FBH1: variants seen among roughly 807,000 people sequenced by gnomAD.
FBH1 encodes the protein F-box DNA helicase 1, also known as DNA 3'-5' helicase 1.
Under a neutral mutation model 115.5 loss-of-function variants are expected in FBH1, and 43 were observed. The ratio of observed to expected loss-of-function variants is 0.37; its 90% CI spans 0.29 to 0.48. The LOEUF (loss-of-function observed/expected upper bound fraction) is 0.48, where lower values mean the gene tolerates loss of function less well. Ranked by LOEUF, FBH1 falls within the 20% of genes least tolerant of loss-of-function variation. The probability of loss-of-function intolerance (pLI) is 0.99; values close to 1 mark genes in which losing one functional copy is unlikely to be tolerated. For synonymous variants in FBH1, 524 were observed against 507.8 expected (o/e 1.03, Z -0.43); for missense variants, 1,001 against 1,337.3 (o/e 0.75, Z 3.92).
At chr10:5,896,008 A>G (rs1450605082) in intron 1 of FBH1, among the ~76,000 whole-genome samples, 3 of 152,188 alleles carry the variant, frequency 2.0e-5, no homozygotes, top group African/African-American at 7.2e-5. Flanking sequence ...TGTTTTCAAT[A>G]AAGAAGATTA....
rs1450626764 is a variant in FBH1 at position 5,914,953 on chromosome 10, T to TG, written c.1397-449dup. On this transcript the variant is annotated intron_variant, in intron 8 of 20. Transcript: ENST00000362091. The surrounding 1 kb of genome is among the most constrained non-coding windows in gnomAD (Gnocchi z 5.2). ...ATTCTTGTTTTATAGAGGAAGAAAC[T>TG]GAAGCACAGAGAGCCTTGCCCGGGG... Among the ~76,000 whole-genome samples the TG allele has an allele frequency of 1.3e-5, 2 of 152,134 alleles. No homozygotes were observed. Among genetic ancestry groups the TG allele is most frequent in the Non-Finnish European group, 2.9e-5 (2 of 68,024 alleles).
In FBH1 at chr10:5,911,472, TC is replaced by T. The variant is rs1488607672; in HGVS notation, c.1211+346del. On this transcript the variant is annotated intron_variant, in intron 6 of 20. Transcript: ENST00000362091. This position sits in a 1 kb window ranked among gnomAD's most constrained non-coding sequence, Gnocchi z 5.4. ...CCCTAGGAAAATGTTAGGCTCTACT[TC>T]CTCCATATCCCACTTGTGGGATGGA... 6.6e-6 allele frequency among the ~76,000 whole-genome samples: 1 copy of T among 152,216 alleles called. No individual in the cohort carries two copies. Among genetic ancestry groups the T allele is most frequent in the African/African-American group, 2.4e-5 (1 of 41,452 alleles).
Position 5,900,454 on chromosome 10 carries a change from C to A in FBH1, c.2-2566C>A, listed in dbSNP as rs150688957. ...CCCAGCCCTCCCGCCAGGCCCTCGC[C>A]GGCTCACCACGCTGCGCTGTGCTGC... is the stretch of plus-strand genomic sequence containing the variant. On this transcript the variant is annotated intron_variant, in intron 1 of 20. Coordinates refer to ENST00000362091, the MANE Select transcript of FBH1 (RefSeq NM_178150.3). The surrounding 1 kb of genome is among the most constrained non-coding windows in gnomAD (Gnocchi z 4.2). Among the ~76,000 whole-genome samples the A allele has an allele frequency of 1.8e-3, 267 of 152,344 alleles. 1 individual carries two copies. The highest frequency in any genetic ancestry group is 5.7e-3 in the African/African-American group (235 of 41,586).
rs1264289169 is a variant in FBH1, at chr10:5,924,802, G to A, written c.2596+294G>A. ...GCTGGTCTCGAACTCCCAACCTCAG[G>A]TAATCTGCCCACCTCGACCTCCCAA... On this transcript the variant is annotated intron_variant, in intron 17 of 20. Transcript: ENST00000362091. This position sits in a 1 kb window ranked among gnomAD's most constrained non-coding sequence, Gnocchi z 6.2. 1.4e-5 allele frequency: 7 copies of A among 498,548 alleles called. No homozygotes were observed. The highest frequency in any genetic ancestry group is 9.3e-5 in the South Asian group (6 of 64,264). 30.9% of individuals were successfully genotyped at this position (498,548 alleles called of 1,614,324 possible). A position where few individuals can be genotyped will look rare whatever the true frequency, so the allele number is the denominator to read the frequency against.
At position 5,908,652 on chromosome 10, in the gene FBH1, C is replaced by T. The variant is rs11255885; in HGVS notation, c.754-273C>T. On this transcript the variant is annotated intron_variant, in intron 3 of 20. Transcript: ENST00000362091. Reference sequence around the variant, plus strand: ...AGTCTCACTCTGTCACCCAGGCTAGCGTGCACTGCAGTGGCTTGATCTCGG... The same window carrying T: ...AGTCTCACTCTGTCACCCAGGCTAGTGTGCACTGCAGTGGCTTGATCTCGG... Among the ~76,000 whole-genome samples, 695 of 151,544 alleles carry T rather than the reference C, an allele frequency of 4.6e-3. 11 individuals carry two copies. Among genetic ancestry groups the T allele is most frequent in the African/African-American group, 0.016 (646 of 41,252 alleles).
chr10:5,894,023 A>G, intron 1 of FBH1: 1 of 985,442 alleles, frequency 1.0e-6, no homozygotes, highest in Non-Finnish European at 1.2e-6. Context: ...TGGCTGTCAT[A>G]CACGAGTGCT....
At position 5,926,957 on chromosome 10, in the gene FBH1, A is replaced by G. The variant is rs59757812; in HGVS notation, c.2723-478A>G. ...TTCCTTGTTGTCCTGTGACAGTGTC[A>G]GGCTTTTCCAGATGGGACTCTGGCA... On this transcript the variant is annotated intron_variant, in intron 18 of 20. Coordinates refer to ENST00000362091, the MANE Select transcript of FBH1 (RefSeq NM_178150.3). 7.2e-4 allele frequency among the ~76,000 whole-genome samples: 109 copies of G among 152,340 alleles called. 2 individuals are homozygous for G. In the East Asian group the frequency reaches 0.019, roughly 27 times the overall value.
rs1589069139 is a variant in FBH1 at position 5,907,953 on chromosome 10, C to G, written c.754-972C>G. On this transcript the variant is annotated intron_variant, in intron 3 of 20. Transcript: ENST00000362091. ...AGGTGATCTATCCTGGAGAATGTTT[C>G]ATGTGCCCTTGAGAGGAATGTATAT... 2.0e-5 allele frequency among the ~76,000 whole-genome samples: 3 copies of G among 152,310 alleles called. No homozygotes were observed. In the South Asian group the frequency reaches 6.2e-4, roughly 32 times the overall value.
Position 5,933,145 on chromosome 10 carries a change from T to C in FBH1, c.2830-3311T>C, listed in dbSNP as rs1194817782. Among the ~76,000 whole-genome samples the C allele has an allele frequency of 6.6e-6, 1 of 152,094 alleles. No homozygotes were observed. Among genetic ancestry groups the C allele is most frequent in the African/African-American group, 2.4e-5 (1 of 41,428 alleles). On this transcript the variant is annotated intron_variant, in intron 19 of 20. Transcript: ENST00000362091. The surrounding 1 kb of genome is among the most constrained non-coding windows in gnomAD (Gnocchi z 4.9). ...GCTCACACCTGTAATCCCAGTACTT[T>C]GGGAGGCCTAGGAGGGCGGATCACT...
Position 5,897,196 on chromosome 10 carries a change from T to A in FBH1, c.2-5824T>A, listed in dbSNP as rs1486426099. On this transcript the variant is annotated intron_variant, in intron 1 of 20. Coordinates refer to ENST00000362091, the MANE Select transcript of FBH1 (RefSeq NM_178150.3). The surrounding 1 kb of genome is among the most constrained non-coding windows in gnomAD (Gnocchi z 4.7). ...TCACCCTCAATGTGGGTGGCTTGAG[T>A]ACTTACATATATATTGTCTCATTCT... Among the ~76,000 whole-genome samples, 4 of 152,180 alleles carry A rather than the reference T, an allele frequency of 2.6e-5. No individual in the cohort carries two copies. Among genetic ancestry groups the A allele is most frequent in the African/African-American group, 9.7e-5 (4 of 41,444 alleles).
At position 5,937,209 on chromosome 10, in the gene FBH1, C is replaced by G. The variant is rs764714926; in HGVS notation, c.3061C>G (p.Arg1021Gly). The change falls in exon 21 of 21, where the codon CGC becomes GGC. Residue 1021 changes from arginine to glycine, a missense_variant. By Grantham distance (125) the Arg-to-Gly change is moderately radical. This residue lies in a region of FBH1 where 521 missense variants were observed against 811.0 expected (regional missense o/e 0.64). Transcript: ENST00000362091. ...CCTGACAGCCTCCCCGGAGCAGGTGCGCGCCATGGAGCGCACTGTGGAGAA... is the reference window on the plus strand; with the variant it reads ...CCTGACAGCCTCCCCGGAGCAGGTGGGCGCCATGGAGCGCACTGTGGAGAA... ...AFLTASPEQV[R>G]AMERTVENIV... 4.3e-6 allele frequency: 7 copies of G among 1,613,966 alleles called. No homozygotes were observed. The highest frequency in any genetic ancestry group is 5.9e-6 in the Non-Finnish European group (7 of 1,179,936).
At position 5,911,710 on chromosome 10, in the gene FBH1, G is replaced by C. The variant is rs1006338620; in HGVS notation, c.1211+582G>C. Reference sequence around the variant, plus strand: ...GGAGTTAGAGGAGATTCCTGATCTAGTGAGGGAAGACAGGTCCTATGTAAG... The same window carrying C: ...GGAGTTAGAGGAGATTCCTGATCTACTGAGGGAAGACAGGTCCTATGTAAG... On this transcript the variant is annotated intron_variant, in intron 6 of 20. Coordinates refer to ENST00000362091, the MANE Select transcript of FBH1 (RefSeq NM_178150.3). The surrounding 1 kb of genome is among the most constrained non-coding windows in gnomAD (Gnocchi z 5.4). 6.6e-6 allele frequency among the ~76,000 whole-genome samples: 1 copy of C among 152,198 alleles called. No individual in the cohort carries two copies. Among genetic ancestry groups the C allele is most frequent in the Non-Finnish European group, 1.5e-5 (1 of 68,030 alleles).
At position 5,906,345 on chromosome 10, in the gene FBH1, T is replaced by C. The variant is rs780697016; in HGVS notation, c.466T>C (p.Cys156Arg). ...TCCACGGCACCATTTGTCTGTGCCA[T>C]GCACAAGGCCTAGGGAGGCCAGGCA... is the stretch of plus-strand genomic sequence containing the variant. ...KAPRHHLSVPCTRPREARQEA... is the reference protein window; with the variant it reads ...KAPRHHLSVPRTRPREARQEA... Residue 156 changes from cysteine to arginine, a missense_variant, in exon 3 of 21, where the codon TGC becomes CGC. Cys to Arg is a radical substitution (Grantham distance 180, BLOSUM62 -3). Transcript: ENST00000362091. The surrounding 1 kb of genome is among the most constrained non-coding windows in gnomAD (Gnocchi z 7.3). 2 of 1,614,226 alleles carry C rather than the reference T, an allele frequency of 1.2e-6. No individual in the cohort carries two copies. The highest frequency in any genetic ancestry group is 1.1e-5 in the South Asian group (1 of 91,082).
rs1831522407 is a variant in FBH1, at chr10:5,910,614, C to T, written c.1021-324C>T. 6.6e-6 allele frequency among the ~76,000 whole-genome samples: 1 copy of T among 152,060 alleles called. No homozygotes were observed. The highest frequency in any genetic ancestry group is 1.5e-5 in the Non-Finnish European group (1 of 68,006). On this transcript the variant is annotated intron_variant, in intron 5 of 20. Transcript: ENST00000362091. This position sits in a 1 kb window ranked among gnomAD's most constrained non-coding sequence, Gnocchi z 4.8. ...CATATGGACCTGAGAGCCCCCATGG[C>T]CTGGAGAGTAGGGTGGGGAGATGAC...
chr10:5,894,557 A>G (rs1301897833), intron 1 of FBH1: 1 of 808,220 alleles, frequency 1.2e-6, no homozygotes, highest in Admixed American at 1.7e-5. Flanking sequence ...CAATTGTAGG[A>G]TTGCTTTGAG....
In FBH1 at chr10:5,937,558, C is replaced by A; in HGVS notation, c.*278C>A. ...AATTTATGTATTTAAACTTTTATTA[C>A]AAGATTTCAATTAAACAGGCACCAT... On this transcript the variant is annotated 3_prime_UTR_variant, in exon 21 of 21. Coordinates refer to ENST00000362091, the MANE Select transcript of FBH1 (RefSeq NM_178150.3). The A allele has an allele frequency of 3.9e-6, 1 of 256,556 alleles. No homozygotes were observed. The allele number at this position is 256,556 out of a possible 1,614,324, so 15.9% of individuals were successfully genotyped here.
Position 5,915,120 on chromosome 10 carries a change from C to T in FBH1, c.1397-283C>T, listed in dbSNP as rs909987238. Among the ~76,000 whole-genome samples, 22 of 152,128 alleles carry T rather than the reference C, an allele frequency of 1.4e-4. No homozygotes were observed. The highest frequency in any genetic ancestry group is 4.8e-4 in the African/African-American group (20 of 41,430). On this transcript the variant is annotated intron_variant, in intron 8 of 20. Transcript: ENST00000362091. The surrounding 1 kb of genome is among the most constrained non-coding windows in gnomAD (Gnocchi z 5.2). ...TCGGGAACCCTACCTCTAATGGATA[C>T]CCACTTATTTCTGAGAAGCAAACTG...
intron 1 of FBH1, chr10:5,894,439 C>G: frequency 2.5e-6 from 4 of 1,576,894 alleles, no homozygotes; most frequent in Non-Finnish European, 3.5e-6. Context: ...AGGAAGTGCA[C>G]TGGACTAGGG....
In FBH1 at chr10:5,921,666, G is replaced by T. The variant is rs1832324032; in HGVS notation, c.2322+97G>T. The T allele has an allele frequency of 6.6e-7, 1 of 1,518,578 alleles. No homozygotes were observed. The highest frequency in any genetic ancestry group is 8.8e-7 in the Non-Finnish European group (1 of 1,135,490). 94.1% of individuals were successfully genotyped at this position (1,518,578 alleles called of 1,614,324 possible). A position where few individuals can be genotyped will look rare whatever the true frequency, so the allele number is the denominator to read the frequency against. ...CACCTTCCTTGGGATTATCATGCAA[G>T]AAAGCATTTGGGTTTTTGACTCTTT... On this transcript the variant is annotated intron_variant, in intron 15 of 20. Transcript: ENST00000362091. This position sits in a 1 kb window ranked among gnomAD's most constrained non-coding sequence, Gnocchi z 6.4.
Sources: allele counts gnomAD v4.1 joint callset (sites outside exome capture counted in the v4.1 genomes callset), GRCh38; gene constraint gnomAD v4.1.1; regional missense constraint gnomAD v4.1.1; non-coding constraint Gnocchi (gnomAD v3.1); transcripts MANE v1.5; gene names NCBI Gene and HGNC (gene_info 2026-07-23, HGNC 2026-07-21).